Variants in WDR54 observed in about 807,000 individuals in gnomAD.
The protein encoded by WDR54 is WD repeat-containing protein 54.
WDR54 carries 44 observed loss-of-function variants against 44.1 expected under a neutral mutation model. That is an observed-to-expected ratio of 1.00 (90% CI 0.78 to 1.28). WDR54 has a LOEUF of 1.28. Among genes scored for constraint, WDR54 ranks in the 50% most tolerant of loss-of-function variants. The pLI, the probability that WDR54 is intolerant of heterozygous loss-of-function variation, is 0.00. For missense variants in WDR54, 409 were observed against 429.7 expected (o/e 0.95, Z 0.43); for synonymous variants, 169 against 169.8 (o/e 1.00, Z 0.04).
In WDR54 at chr2:74,425,744, C is replaced by G; in HGVS notation, c.*43C>G. On this transcript the variant is annotated 3_prime_UTR_variant, in exon 10 of 10. Transcript: ENST00000348227. ...TGTCCCTGTGGTATTCATAAAGTAC[C>G]CGCTCCACCCAGCCTTTGTCTGATT... The G allele has an allele frequency of 6.2e-7, 1 of 1,612,884 alleles. No homozygotes were observed. Among genetic ancestry groups the G allele is most frequent in the Non-Finnish European group, 8.5e-7 (1 of 1,179,594 alleles).
At chr2:74,424,565 G>A (rs556561550) in intron 6 of WDR54, among the ~76,000 whole-genome samples, 15 of 152,280 alleles carry the variant, frequency 9.9e-5, no homozygotes, top group African/African-American at 3.4e-4. Flanking sequence ...GGTTCACTAC[G>A]AGACCTCCAG....
rs745655892 is a variant in WDR54 at position 74,422,804 on chromosome 2, A to C, written c.223-66A>C. ...CAAGACTCCGTCCCCCAAAAAAAAAAAAAAAACAAACAAACTCATCTTCCC... is the reference window on the plus strand; with the variant it reads ...CAAGACTCCGTCCCCCAAAAAAAAACAAAAAACAAACAAACTCATCTTCCC... On this transcript the variant is annotated intron_variant, in intron 2 of 9. Coordinates refer to ENST00000348227, the MANE Select transcript of WDR54 (RefSeq NM_032118.4). 5.5e-6 allele frequency: 8 copies of C among 1,455,054 alleles called. No homozygotes were observed. The African/African-American group carries it at 7.2e-5, about 13-fold the overall frequency. The allele number at this position is 1,455,054 out of a possible 1,614,324, so 90.1% of individuals were successfully genotyped here.
chr2:74,425,356 G>A, intron 8 of WDR54, 61 bp from the exon 9 acceptor site: 2 of 1,603,498 alleles, frequency 1.2e-6, no homozygotes, highest in Non-Finnish European at 1.7e-6. Context: ...CCTGGACTGG[G>A]GATTCCAGCT....
In WDR54 at chr2:74,425,069, T is replaced by G; in HGVS notation, c.636-6T>G. 6.2e-7 allele frequency: 1 copy of G among 1,609,784 alleles called. No individual in the cohort carries two copies. Among genetic ancestry groups the G allele is most frequent in the Non-Finnish European group, 8.5e-7 (1 of 1,176,412 alleles). ...GGCAAAACAAAGTTGGGTGTCACCC[T>G]TGCAGAGTTCCGTGCCCCTCTGTGC... is the stretch of plus-strand genomic sequence containing the variant. On this transcript the variant is annotated splice_polypyrimidine_tract_variant and splice_region_variant and intron_variant, in intron 7 of 9. Coordinates refer to ENST00000348227, the MANE Select transcript of WDR54 (RefSeq NM_032118.4).
In WDR54 at chr2:74,425,060, G is replaced by A. The variant is rs760340607; in HGVS notation, c.636-15G>A. The A allele has an allele frequency of 2.5e-6, 4 of 1,611,934 alleles. No homozygotes were observed. Among genetic ancestry groups the A allele is most frequent in the South Asian group, 1.1e-5 (1 of 91,024 alleles). ...TTTGATCTGGGCAAAACAAAGTTGG[G>A]TGTCACCCTTGCAGAGTTCCGTGCC... is the stretch of plus-strand genomic sequence containing the variant. On this transcript the variant is annotated splice_polypyrimidine_tract_variant and intron_variant, in intron 7 of 9. Coordinates refer to ENST00000348227, the MANE Select transcript of WDR54 (RefSeq NM_032118.4).
rs1193942064 is a variant in WDR54 at position 74,423,904 on chromosome 2, C to T, written c.456C>T (p.Pro152=). ...VLVFDIPAKG[P]NIVLSEELAG... is the part of the protein sequence containing the mutation. ...TGTTTGACATCCCAGCAAAGGGTCC[C>T]AACATTGTACTGAGCGAGGAGCTGG... Residue 152 remains proline, a synonymous_variant, in exon 6 of 10, where the codon CCC becomes CCT. Coordinates refer to ENST00000348227, the MANE Select transcript of WDR54 (RefSeq NM_032118.4). 1 of 1,614,136 alleles carries T rather than the reference C, an allele frequency of 6.2e-7. No individual in the cohort carries two copies. The highest frequency in any genetic ancestry group is 1.1e-5 in the South Asian group (1 of 91,080).
chr2:74,422,103 G>A (rs1333024840), intron 1 of WDR54, 50 bp from the exon 2 acceptor site: 2 of 1,581,012 alleles, frequency 1.3e-6, no homozygotes, highest in Non-Finnish European at 1.7e-6. Flanking sequence ...GGGCATCTCC[G>A]CTGCGTCTGT....
At position 74,423,205 on chromosome 2, in the gene WDR54, C is replaced by T. The variant is rs1573223003; in HGVS notation, c.286-114C>T. 6.3e-6 allele frequency: 8 copies of T among 1,270,714 alleles called. No individual in the cohort carries two copies. In the East Asian group the frequency reaches 1.6e-4, roughly 26 times the overall value. 78.7% of individuals were successfully genotyped at this position (1,270,714 alleles called of 1,614,324 possible). A position where few individuals can be genotyped will look rare whatever the true frequency, so the allele number is the denominator to read the frequency against. On this transcript the variant is annotated intron_variant, in intron 3 of 9. Transcript: ENST00000348227. ...GAAAAAATTAGGATAAAAATAGTAC[C>T]TACATCCCAGATTTGTTTTGAGGAT...
chr2:74,424,118 C>A, intron 6 of WDR54, 136 bp downstream of exon 6: 1 of 1,043,690 alleles, frequency 9.6e-7, no homozygotes, highest in Non-Finnish European at 1.4e-6. Context: ...CTTCAGCAAC[C>A]AGGTTCAGTG....
rs1436389170 is a variant in WDR54 at position 74,424,076 on chromosome 2, GA to G, written c.534+95del. The G allele has an allele frequency of 4.6e-6, 7 of 1,513,562 alleles. No individual in the cohort carries two copies. The Admixed American group carries it at 1.3e-4, about 29-fold the overall frequency. 93.8% of individuals were successfully genotyped at this position (1,513,562 alleles called of 1,614,324 possible). ...TCTTGGCTCTGCCACTAAACAGGTG[GA>G]TGGCTTTGGGCAAATCTACATTTTC... On this transcript the variant is annotated intron_variant, in intron 6 of 9. Coordinates refer to ENST00000348227, the MANE Select transcript of WDR54 (RefSeq NM_032118.4).
rs1330049816 is a variant in WDR54 at position 74,425,106 on chromosome 2, G to A, written c.667G>A (p.Gly223Arg). The A allele has an allele frequency of 6.3e-6, 10 of 1,590,576 alleles. No homozygotes were observed. The highest frequency in any genetic ancestry group is 2.7e-5 in the African/African-American group (2 of 74,708). ...VPCPSVQLWQGIIAAGYGNGQ... is the reference protein window; with the variant it reads ...VPCPSVQLWQRIIAAGYGNGQ... ...GTGCCCCTCTGTGCAGCTGTGGCAGGGGATCATAGCAGCAGGCTATGGGAA... is the reference window on the plus strand; with the variant it reads ...GTGCCCCTCTGTGCAGCTGTGGCAGAGGATCATAGCAGCAGGCTATGGGAA... The change falls in exon 8 of 10, where the codon GGG (glycine) becomes AGG (arginine). Residue 223 changes from glycine to arginine, a missense_variant. By Grantham distance (125) the Gly-to-Arg change is moderately radical. Transcript: ENST00000348227.
chr2:74,422,457 T>C (rs1670153825), intron 2 of WDR54, 82 bp downstream of exon 2: 1 of 1,431,394 alleles, frequency 7.0e-7, no homozygotes, highest in East Asian at 2.5e-5. Context: ...GGAGCAGGCA[T>C]GTCCTAACCT....
At chr2:74,422,014 C>T in intron 1 of WDR54, 139 bp from the exon 2 acceptor site, 1 of 844,522 alleles carries the variant, frequency 1.2e-6, no homozygotes, top group African/African-American at 1.7e-5. Context: ...GAGACCCTCC[C>T]CCATCACCGT....
intron 2 of WDR54, 61 bp downstream of exon 2, chr2:74,422,436 C>T: frequency 6.6e-7 from 1 of 1,524,328 alleles, no homozygotes; most frequent in African/African-American, 1.4e-5. Context: ...CCTTTTCTCT[C>T]CAAACCTTCA....
At chr2:74,424,583 C>T (rs949103909) in intron 6 of WDR54, among the ~76,000 whole-genome samples, 5 of 152,166 alleles carry the variant, frequency 3.3e-5, no homozygotes, top group Non-Finnish European at 2.9e-5. Flanking sequence ...CAGAAGGTCA[C>T]GACACTGTGG....
rs1486208155 is a variant in WDR54, at chr2:74,425,677, G to C, written c.981G>C (p.Glu327Asp). Residue 327 changes from glutamate to aspartate, a missense_variant, in exon 10 of 10, where the codon GAG becomes GAC. Glu to Asp is a conservative substitution (Grantham distance 45). Transcript: ENST00000348227. ...SFAVTGYDLA[E>D]IRRFSSV ...CTGTGACTGGCTATGACCTTGCGGAGATCCGGAGATTCAGCAGTGTGTGAG... is the reference window on the plus strand; with the variant it reads ...CTGTGACTGGCTATGACCTTGCGGACATCCGGAGATTCAGCAGTGTGTGAG... 1 of 1,614,206 alleles carries C rather than the reference G, an allele frequency of 6.2e-7. No homozygotes were observed. The highest frequency in any genetic ancestry group is 1.1e-5 in the South Asian group (1 of 91,076).
chr2:74,423,170 G>A (rs1397316777), intron 3 of WDR54, 149 bp from the exon 4 acceptor site: 2 of 1,009,784 alleles, frequency 2.0e-6, no homozygotes, highest in Admixed American at 3.6e-5. Context: ...CACTCTCACT[G>A]TTGTCCTCTG....
At chr2:74,422,034 A>ACCCC in intron 1 of WDR54, 119 bp from the exon 2 acceptor site, 1 of 1,042,820 alleles carries the variant, frequency 9.6e-7, no homozygotes, top group Non-Finnish European at 1.4e-6. Context: ...TCCTCTGGGC[A>ACCCC]CCCCATCCTA....
At chr2:74,423,719 G>A (rs1670225331) in intron 5 of WDR54, 136 bp from the exon 6 acceptor site, 4 of 1,459,486 alleles carry the variant, frequency 2.7e-6, no homozygotes, top group Non-Finnish European at 3.7e-6. Context: ...GCTAGTGAAT[G>A]AAGGGGCATG....
Sources: gnomAD v4.1 joint callset for allele counts (sites outside exome capture counted in the v4.1 genomes callset) on GRCh38, gnomAD v4.1.1 for gene constraint, MANE v1.5 for transcripts, NCBI Gene and HGNC (gene_info 2026-07-23, HGNC 2026-07-21) for gene names.